DAB1: variants seen among roughly 807,000 people sequenced by gnomAD.
DAB1 encodes the protein disabled homolog 1.
DAB1 carries 15 observed loss-of-function variants against 64.6 expected under a neutral mutation model. The ratio of observed to expected loss-of-function variants is 0.23; its 90% CI spans 0.16 to 0.36. The LOEUF is 0.36. Ranked by LOEUF, DAB1 falls within the 10% of genes least tolerant of loss-of-function variation. The pLI is 1.00. For synonymous variants in DAB1, 235 were observed against 251.9 expected (o/e 0.93, Z 0.64); for missense variants, 596 against 706.7 (o/e 0.84, Z 1.78).
chr1:57,025,022 C>T (rs1646739701), intron 10 of DAB1, among the ~76,000 whole-genome samples: 1 of 152,042 alleles, frequency 6.6e-6, no homozygotes, highest in South Asian at 2.1e-4. Context: ...AGGTTACAGC[C>T]TTTTCTCTGT....
chr1:58,513,157 A>G (rs1259892263), intron 2 of DAB1, among the ~76,000 whole-genome samples: 1 of 152,096 alleles, frequency 6.6e-6, no homozygotes, highest in Non-Finnish European at 1.5e-5. Context: ...CAGTTCCCCC[A>G]TGCTGTTCTC....
chr1:57,760,058 G>C (rs76596083), intron 6 of DAB1, among the ~76,000 whole-genome samples: 26,621 of 152,010 alleles, frequency 0.18, 3,014 homozygotes, highest in Admixed American at 0.29. Flanking sequence ...CTCCACAAAT[G>C]AAGTTTGTGG....
intron 9 of DAB1, among the ~76,000 whole-genome samples, chr1:57,028,931 A>AC (rs1646877940): frequency 6.6e-6 from 1 of 152,230 alleles, no homozygotes; most frequent in African/African-American, 2.4e-5. Context: ...AGAAAAAAAA[A>AC]ATTTCTGGGG....
chr1:58,168,662 G>A (rs116163384), intron 4 of DAB1, among the ~76,000 whole-genome samples: 70 of 152,244 alleles, frequency 4.6e-4, no homozygotes, highest in African/African-American at 1.6e-3. Flanking sequence ...CCTCAGAGAA[G>A]TAGGCCTAAC....
At chr1:57,988,652 G>GC (rs1646279560) in intron 5 of DAB1, among the ~76,000 whole-genome samples, 1 of 152,088 alleles carries the variant, frequency 6.6e-6, no homozygotes, top group African/African-American at 2.4e-5. Context: ...CACAGCCAGT[G>GC]CTGACTGGGC....
intron 2 of DAB1, among the ~76,000 whole-genome samples, chr1:57,209,926 C>T (rs1412447964): frequency 1.3e-5 from 2 of 152,200 alleles, no homozygotes; most frequent in East Asian, 1.9e-4. Context: ...TATATGATTA[C>T]AGAAAAGCCA....
At chr1:57,379,151 G>A (rs17115685) in intron 1 of DAB1, among the ~76,000 whole-genome samples, 1 of 151,270 alleles carries the variant, frequency 6.6e-6, no homozygotes, top group Non-Finnish European at 1.5e-5. Context: ...AGTAAGGAGG[G>A]GCTACCAGCT....
chr1:57,106,664 CT>C (rs1655187765), intron 4 of DAB1, among the ~76,000 whole-genome samples: 1 of 152,112 alleles, frequency 6.6e-6, no homozygotes, highest in Admixed American at 6.5e-5. Context: ...AGTGGTTTCC[CT>C]TTGATCCAAC....
chr1:57,572,075 T>C (rs1645199608), intron 7 of DAB1, among the ~76,000 whole-genome samples: 1 of 152,030 alleles, frequency 6.6e-6, no homozygotes, highest in Non-Finnish European at 1.5e-5. Context: ...GCACTAGCAG[T>C]AAAGAAGTGA....
intron 4 of DAB1, among the ~76,000 whole-genome samples, chr1:57,102,471 G>A (rs1229950672): frequency 6.6e-6 from 1 of 152,124 alleles, no homozygotes; most frequent in African/African-American, 2.4e-5. Flanking sequence ...AATAGTGTTT[G>A]GAATTGACTG....
intron 2 of DAB1, among the ~76,000 whole-genome samples, chr1:57,273,085 A>AGG (rs1671144728): frequency 6.6e-6 from 1 of 152,202 alleles, no homozygotes; most frequent in Admixed American, 6.5e-5. Context: ...ACCACCTTTT[A>AGG]ACCCATCTTT....
At position 58,193,791 on chromosome 1, in the gene DAB1, G is replaced by A. The variant is rs1011326596; in HGVS notation, n.310-43203C>T. 2.0e-5 allele frequency among the ~76,000 whole-genome samples: 3 copies of A among 152,002 alleles called. No homozygotes were observed. The East Asian group carries it at 5.8e-4, about 29-fold the overall frequency. ...GAATCACTTGAACCAGGGAGGCGGA[G>A]GTTGCAGTGAGCCAAGATCGCACCA... On this transcript the variant is annotated intron_variant and non_coding_transcript_variant, in intron 4 of 20. Coordinates refer to the DAB1 transcript ENST00000485760.
intron 6 of DAB1, among the ~76,000 whole-genome samples, chr1:57,814,576 A>G (rs1163682366): frequency 6.6e-6 from 1 of 152,228 alleles, no homozygotes; most frequent in African/African-American, 2.4e-5. Flanking sequence ...TTGTATTTAA[A>G]TCTGTTTCCT....
At chr1:57,332,701 A>G (rs1676771327) in intron 1 of DAB1, among the ~76,000 whole-genome samples, 1 of 152,202 alleles carries the variant, frequency 6.6e-6, no homozygotes, top group Admixed American at 6.5e-5. Context: ...TGAAATGTAC[A>G]TGAGGCAGGG....
rs985086174 is a variant in DAB1, at chr1:57,475,702, C to T, written n.625+173890G>A. On this transcript the variant is annotated intron_variant and non_coding_transcript_variant, in intron 7 of 20. Transcript: ENST00000485760. The stretch of plus-strand genomic sequence containing the variant: ...GCCTTGAGCCCAGGACTGACTGGCT[C>T]CTAAGTCCAGGCCTTTCACTGCTAG... Among the ~76,000 whole-genome samples, 6 of 152,284 alleles carry T rather than the reference C, an allele frequency of 3.9e-5. No homozygotes were observed. In the East Asian group the frequency reaches 1.2e-3, roughly 29 times the overall value.
At chr1:57,262,204 T>A (rs984964702) in intron 2 of DAB1, among the ~76,000 whole-genome samples, 4 of 152,214 alleles carry the variant, frequency 2.6e-5, no homozygotes, top group African/African-American at 9.6e-5. Flanking sequence ...GCATTGTTAT[T>A]CCCATTGTAC....
chr1:57,907,332 G>A (rs1267139145), intron 5 of DAB1, among the ~76,000 whole-genome samples: 4 of 152,220 alleles, frequency 2.6e-5, no homozygotes, highest in African/African-American at 9.6e-5. Flanking sequence ...AAAAAGGCGG[G>A]AGAGGGATGG....
intron 1 of DAB1, among the ~76,000 whole-genome samples, chr1:57,364,833 T>C (rs1195362341): frequency 2.0e-5 from 3 of 148,786 alleles, no homozygotes; most frequent in Non-Finnish European, 4.5e-5. Context: ...AAATAATAAA[T>C]TGTTTAGGGA....
At chr1:57,003,508 C>CT (rs1645950324) in intron 14 of DAB1, among the ~76,000 whole-genome samples, 1 of 151,086 alleles carries the variant, frequency 6.6e-6, no homozygotes, top group African/African-American at 2.4e-5. Context: ...TTTTTTTAAT[C>CT]TTTTTTAGAT....
Sources: allele counts gnomAD v4.1 joint callset (sites outside exome capture counted in the v4.1 genomes callset), GRCh38; gene constraint gnomAD v4.1.1; transcripts MANE v1.5; gene names NCBI Gene and HGNC (gene_info 2026-07-23, HGNC 2026-07-21).